The following ABLIM1 variants were observed in gnomAD, a reference collection of about 807,000 sequenced individuals.
ABLIM1 encodes actin-binding LIM protein 1.
In ABLIM1, 40 loss-of-function variants were observed where a neutral mutation model predicts 107.0. That is an observed-to-expected ratio of 0.37 (90% CI 0.29 to 0.49). The LOEUF (loss-of-function observed/expected upper bound fraction) is 0.49. Ranked by LOEUF, ABLIM1 falls within the 20% of genes least tolerant of loss-of-function variation. The probability of loss-of-function intolerance (pLI) is 0.97; values close to 1 mark genes in which losing one functional copy is unlikely to be tolerated. For missense variants in ABLIM1, 857 were observed against 1,008.5 expected, an observed-to-expected ratio of 0.85 and a Z score of 2.04; for synonymous variants, 357 against 357.3, an observed-to-expected ratio of 1.00 and a Z score of 0.01.
intron 2 of ABLIM1, chr10:114,601,552 C>T (rs151067524): frequency 5.1e-5 from 25 of 494,530 alleles, no homozygotes; most frequent in Middle Eastern, 5.7e-4. Flanking sequence ...AGGCGTGAGC[C>T]GGCCTTTTTA....
At chr10:114,556,589 G>A (rs1183714271) in intron 4 of ABLIM1, among the ~76,000 whole-genome samples, 1 of 152,118 alleles carries the variant, frequency 6.6e-6, no homozygotes, top group Non-Finnish European at 1.5e-5. Flanking sequence ...TATAAGAGTT[G>A]GGCAGCAGTT....
chr10:114,578,785 CT>C lies in ABLIM1; in HGVS notation c.380-3187del, dbSNP rs35420465. On this transcript the variant is annotated intron_variant, in intron 2 of 22. Coordinates refer to ENST00000533213, the MANE Select transcript of ABLIM1 (RefSeq NM_002313.7). ...TTCTTTTTCTTTCTTTCTTTCTTTT[CT>C]TTTTTTTTTTTTTTTTGAGATGGAG... 1.4e-3 allele frequency among the ~76,000 whole-genome samples: 153 copies of C among 111,708 alleles called. 1 individual carries two copies. Among genetic ancestry groups the C allele is most frequent in the African/African-American group, 4.0e-3 (113 of 28,064 alleles). 73.3% of individuals were successfully genotyped at this position (111,708 alleles called of 152,430 possible). A position where few individuals can be genotyped will look rare whatever the true frequency, so the allele number is the denominator to read the frequency against.
At chr10:114,752,715 T>C (rs2082543672) in intron 1 of ABLIM1, among the ~76,000 whole-genome samples, 1 of 152,212 alleles carries the variant, frequency 6.6e-6, no homozygotes, top group Non-Finnish European at 1.5e-5. Flanking sequence ...CCTGAGTTAG[T>C]TTGCTGAGGA....
At position 114,545,048 on chromosome 10, in the gene ABLIM1, T is replaced by G; in HGVS notation, c.851A>C (p.Lys284Thr). 1 of 1,614,086 alleles carries G rather than the reference T, an allele frequency of 6.2e-7. No individual in the cohort carries two copies. Among genetic ancestry groups the G allele is most frequent in the Non-Finnish European group, 8.5e-7 (1 of 1,180,008 alleles). The part of the protein sequence containing the change: ...EKDYQGLFGV[K>T]CEACHQFITG... ...GATAAACTGGTGACACGCCTCACAT[T>G]TCACCCCAAAGAGTCCCTGGTAGTC... Residue 284 changes from lysine to threonine, a missense_variant, in exon 6 of 23, where the codon AAA (lysine) becomes ACA (threonine). Physicochemically the swap from Lys to Thr is moderately conservative, Grantham distance 78. Around this residue, in one of 5 missense-constraint regions of ABLIM1, gnomAD observed 381 missense variants for 506.9 expected, o/e 0.75. Coordinates refer to ENST00000533213, the MANE Select transcript of ABLIM1 (RefSeq NM_002313.7).
chr10:114,738,415 A>G (rs2082225371), intron 1 of ABLIM1, among the ~76,000 whole-genome samples: 1 of 152,212 alleles, frequency 6.6e-6, no homozygotes, highest in Non-Finnish European at 1.5e-5. Flanking sequence ...AGAGAAATTC[A>G]GGCATCTAGA....
chr10:114,522,908 T>G (rs1385695982), intron 6 of ABLIM1, among the ~76,000 whole-genome samples: 1 of 152,186 alleles, frequency 6.6e-6, no homozygotes, highest in Non-Finnish European at 1.5e-5. Flanking sequence ...CCCAGCACTT[T>G]GGGAGGCTGA....
intron 7 of ABLIM1, among the ~76,000 whole-genome samples, chr10:114,491,008 G>GTATATATA (rs1347498391): frequency 1.3e-4 from 11 of 86,498 alleles, no homozygotes; most frequent in African/African-American, 5.6e-4. Context: ...GTGTGTGTGT[G>GTATATATA]TGTGTATATA....
At chr10:114,776,449 C>T in the ABLIM1 span, among the ~76,000 whole-genome samples, 2 of 151,870 alleles carry the variant, frequency 1.3e-5, no homozygotes, top group Non-Finnish European at 2.9e-5. Flanking sequence ...CTCATCTCTA[C>T]TAAAAATACA....
At chr10:114,613,441 CTT>C (rs1349757047) in intron 1 of ABLIM1, among the ~76,000 whole-genome samples, 1 of 152,216 alleles carries the variant, frequency 6.6e-6, no homozygotes, top group East Asian at 1.9e-4. Flanking sequence ...AACTGGCAAA[CTT>C]TACAGATCAG....
chr10:114,798,562 C>CCCG, the ABLIM1 span, among the ~76,000 whole-genome samples: 24 of 147,528 alleles, frequency 1.6e-4, 1 homozygote, highest in Non-Finnish European at 2.4e-4. Flanking sequence ...TGAGACCCCC[C>CCCG]CCCCATGTCT....
intron 1 of ABLIM1, among the ~76,000 whole-genome samples, chr10:114,623,227 T>A (rs1170796841): frequency 6.6e-6 from 1 of 152,252 alleles, no homozygotes; most frequent in Non-Finnish European, 1.5e-5. Context: ...GAGTGATGCC[T>A]GCAGAATATG....
At chr10:114,658,361 G>A, upstream of ABLIM1, 1 of 1,337,370 alleles carries the variant, frequency 7.5e-7, no homozygotes, top group Non-Finnish European at 9.7e-7. Flanking sequence ...ACCCTCAAGA[G>A]CTTAGGGCAC....
chr10:114,598,343 T>G (rs377064203), intron 2 of ABLIM1, among the ~76,000 whole-genome samples: 9 of 150,752 alleles, frequency 6.0e-5, no homozygotes, highest in African/African-American at 2.0e-4. Context: ...TCCCCATGCT[T>G]TGGGAGGCCA....
At chr10:114,641,891 G>A (rs977726682) in intron 1 of ABLIM1, among the ~76,000 whole-genome samples, 10 of 152,008 alleles carry the variant, frequency 6.6e-5, no homozygotes, top group African/African-American at 2.4e-4. Context: ...GTTTTGTTTT[G>A]TTTTGTTTTG....
chr10:114,706,278 C>T (rs1483557569), intron 1 of ABLIM1, among the ~76,000 whole-genome samples: 1 of 152,192 alleles, frequency 6.6e-6, no homozygotes. Flanking sequence ...CTAGGACAGA[C>T]TTTGTAGCAT....
chr10:114,555,656 C>G (rs1046022078), intron 4 of ABLIM1, among the ~76,000 whole-genome samples: 1 of 152,038 alleles, frequency 6.6e-6, no homozygotes, highest in Non-Finnish European at 1.5e-5. Flanking sequence ...TGCATCTAAC[C>G]AATGCTTGCT....
At chr10:114,774,518 C>A in the ABLIM1 span, among the ~76,000 whole-genome samples, 2 of 152,142 alleles carry the variant, frequency 1.3e-5, no homozygotes, top group South Asian at 4.1e-4. Context: ...GTTCTTGAGA[C>A]CTTACTGATT....
exon 1 of ABLIM1, chr10:114,684,517 C>T (rs2141623412): frequency 7.1e-7 from 1 of 1,417,066 alleles, no homozygotes; most frequent in South Asian, 1.6e-5. Flanking sequence ...TGTGCCACAG[C>T]CAGCGCAGGA....
chr10:114,601,844 T>C lies in ABLIM1; in HGVS notation c.362A>G (p.Lys121Arg). ...LRVQTKHFHI[K>R]CFTCKVCGCD... ...CACCATACCTTTGCAGGTGAAACAC[T>C]TGATGTGGAAATGTTTGGTCTGGAC... The change falls in exon 2 of 23, where the codon AAG becomes AGG. Residue 121 changes from lysine to arginine, a missense_variant. By Grantham distance (26) the Lys-to-Arg change is conservative. Around this residue, in one of 5 missense-constraint regions of ABLIM1, gnomAD observed 176 missense variants for 173.5 expected, o/e 1.01. Coordinates refer to ENST00000533213, the MANE Select transcript of ABLIM1 (RefSeq NM_002313.7). The C allele has an allele frequency of 1.9e-6, 3 of 1,614,112 alleles. No homozygotes were observed. Among genetic ancestry groups the C allele is most frequent in the Non-Finnish European group, 2.5e-6 (3 of 1,180,014 alleles).
Sources: gnomAD v4.1 joint callset for allele counts (sites outside exome capture counted in the v4.1 genomes callset) on GRCh38, gnomAD v4.1.1 for gene constraint, gnomAD v4.1.1 regional missense constraint, MANE v1.5 for transcripts, NCBI Gene and HGNC (gene_info 2026-07-23, HGNC 2026-07-21) for gene names.